Variants in DLGAP2 observed in about 807,000 individuals in gnomAD.
DLGAP2 encodes DLG associated protein 2.
A neutral mutation model predicts 100.3 loss-of-function variants in DLGAP2; 26 were observed. The observed-to-expected ratio is 0.26, with a 90% CI of 0.19 to 0.36. DLGAP2 has a LOEUF of 0.36. DLGAP2 is among the 10% of genes least tolerant of loss of function. The pLI is 1.00. For synonymous variants in DLGAP2, 886 were observed against 630.1 expected (o/e 1.41, Z -6.08); for missense variants, 1,858 against 1,453.2 (o/e 1.28, Z -4.53).
intron 4 of DLGAP2, among the ~76,000 whole-genome samples, chr8:1,529,559 AAG>A (rs1266314310): frequency 1.1e-4 from 16 of 152,166 alleles, no homozygotes; most frequent in African/African-American, 3.9e-4. Flanking sequence ...TAATTACCCA[AAG>A]AGAGTGAGTC....
intron 3 of DLGAP2, among the ~76,000 whole-genome samples, chr8:1,309,883 T>A (rs1585245971): frequency 6.6e-6 from 1 of 152,040 alleles, no homozygotes. Context: ...TTTCTTGAGG[T>A]CAGGAGTTCA....
intron 1 of DLGAP2, among the ~76,000 whole-genome samples, chr8:759,189 A>G (rs1821006982): frequency 2.0e-5 from 2 of 98,704 alleles, no homozygotes; most frequent in African/African-American, 6.8e-5. Flanking sequence ...AATACCCCCG[A>G]CAGCCTTCCC....
intron 2 of DLGAP2, among the ~76,000 whole-genome samples, chr8:1,062,675 C>T (rs576090766): frequency 1.7e-4 from 26 of 152,130 alleles, no homozygotes; most frequent in African/African-American, 6.0e-4. Context: ...ATAGGTCTTG[C>T]CTTTCTTATA....
At chr8:912,787 G>A (rs967314547) in intron 2 of DLGAP2, among the ~76,000 whole-genome samples, 4 of 134,984 alleles carry the variant, frequency 3.0e-5, no homozygotes, top group African/African-American at 5.9e-5. Context: ...TGGTGCCCAC[G>A]TTCCTCTCTG....
At chr8:1,616,501 G>T (rs138017064) in intron 6 of DLGAP2, among the ~76,000 whole-genome samples, 1 of 152,234 alleles carries the variant, frequency 6.6e-6, no homozygotes, top group African/African-American at 2.4e-5. Context: ...ACCAAGGAAG[G>T]GGTCAAACAG....
intron 2 of DLGAP2, among the ~76,000 whole-genome samples, chr8:1,000,383 T>C (rs1800916377): frequency 6.6e-6 from 1 of 150,726 alleles, no homozygotes; most frequent in South Asian, 2.1e-4. Flanking sequence ...AGCGGAAAGA[T>C]CTGGGTTGGG....
chr8:1,277,818 C>T (rs185152172), intron 3 of DLGAP2, among the ~76,000 whole-genome samples: 20 of 152,270 alleles, frequency 1.3e-4, no homozygotes, highest in African/African-American at 4.8e-4. Flanking sequence ...TCTAAGGGGT[C>T]CAACTCCCCA....
At chr8:1,386,913 A>G (rs933996973) in intron 3 of DLGAP2, among the ~76,000 whole-genome samples, 3 of 152,232 alleles carry the variant, frequency 2.0e-5, no homozygotes, top group East Asian at 1.9e-4. Context: ...AAGTAAAGTA[A>G]TAACTCCAGG....
At chr8:1,361,927 G>A (rs1201675103) in intron 3 of DLGAP2, among the ~76,000 whole-genome samples, 1 of 152,216 alleles carries the variant, frequency 6.6e-6, no homozygotes, top group African/African-American at 2.4e-5. Context: ...CCCCAGCCTG[G>A]CAGGTCTCCT....
chr8:1,100,180 A>G (rs1585058529), intron 2 of DLGAP2, among the ~76,000 whole-genome samples: 1 of 148,410 alleles, frequency 6.7e-6, no homozygotes, highest in East Asian at 2.0e-4. Context: ...TGTAGGGAAA[A>G]CCTTTGTCCA....
chr8:786,707 A>C (rs7018261), intron 1 of DLGAP2, among the ~76,000 whole-genome samples: 22,456 of 151,922 alleles, frequency 0.15, 1,890 homozygotes, highest in East Asian at 0.24. Context: ...GTGGCTGAGA[A>C]GGGAGAGTTT....
Position 1,668,409 on chromosome 8 carries a change from G to A in DLGAP2, c.1891G>A (p.Ala631Thr). 1 of 1,604,110 alleles carries A rather than the reference G, an allele frequency of 6.2e-7. No individual in the cohort carries two copies. Among genetic ancestry groups the A allele is most frequent in the Non-Finnish European group, 8.5e-7 (1 of 1,175,918 alleles). ...TTSKPLISVT[A>T]QSSTESTQDA... ...CTCCAAGCCTCTGATCTCGGTGACG[G>A]CGCAGAGCAGCACCGAATCCACCCA... Residue 631 changes from alanine to threonine, a missense_variant, in exon 9 of 15, where the codon GCG becomes ACG. Transcript: ENST00000637795.
chr8:1,701,129 G>C, intron 14 of DLGAP2, 59 bp from the exon 15 acceptor site: 1 of 1,491,292 alleles, frequency 6.7e-7, no homozygotes, highest in Non-Finnish European at 9.0e-7. Context: ...CGCTGAGCTC[G>C]CGAGCTGCTG....
At chr8:1,232,876 A>G (rs7012798) in intron 2 of DLGAP2, among the ~76,000 whole-genome samples, 68,785 of 152,048 alleles carry the variant, frequency 0.45, 15,788 homozygotes, top group East Asian at 0.62. Flanking sequence ...TTGTGCAGCC[A>G]TCGCCATAAT....
At chr8:820,726 C>T (rs1227256963) in intron 1 of DLGAP2, among the ~76,000 whole-genome samples, 1 of 152,128 alleles carries the variant, frequency 6.6e-6, no homozygotes, top group African/African-American at 2.4e-5. Flanking sequence ...GTCTAGAAAC[C>T]TATCTGCATA....
At chr8:1,106,953 A>G (rs1016280189) in intron 2 of DLGAP2, among the ~76,000 whole-genome samples, 1 of 152,148 alleles carries the variant, frequency 6.6e-6, no homozygotes, top group East Asian at 1.9e-4. Flanking sequence ...TCTCAGACGT[A>G]TTTTCTTCTG....
intron 2 of DLGAP2, among the ~76,000 whole-genome samples, chr8:1,163,016 G>C (rs979233303): frequency 5.9e-5 from 9 of 152,206 alleles, no homozygotes; most frequent in African/African-American, 2.2e-4. Flanking sequence ...TGGGAGCTTT[G>C]GTGTTTGGTG....
chr8:981,118 T>C (rs2129014404), intron 2 of DLGAP2, among the ~76,000 whole-genome samples: 1 of 152,288 alleles, frequency 6.6e-6, no homozygotes, highest in African/African-American at 2.4e-5. Context: ...ACCTACTGTC[T>C]GTCTCTCGGA....
intron 3 of DLGAP2, among the ~76,000 whole-genome samples, chr8:1,475,979 A>G (rs1295917501): frequency 6.6e-6 from 1 of 152,130 alleles, no homozygotes; most frequent in African/African-American, 2.4e-5. Context: ...CTCAAGTTTA[A>G]TTTTGCTGGA....
Sources: gnomAD v4.1 joint callset for allele counts (sites outside exome capture counted in the v4.1 genomes callset) on GRCh38, gnomAD v4.1.1 for gene constraint, MANE v1.5 for transcripts, NCBI Gene and HGNC (gene_info 2026-07-23, HGNC 2026-07-21) for gene names.